Variants in SLC52A3 observed in about 807,000 individuals in gnomAD.
The protein encoded by SLC52A3 is solute carrier family 52 member 3.
A neutral mutation model predicts 29.5 loss-of-function variants in SLC52A3; 20 were observed. The observed-to-expected ratio is 0.68, with a 90% CI of 0.48 to 0.99. The LOEUF (loss-of-function observed/expected upper bound fraction) is 0.99. SLC52A3 is among the 50% of genes least tolerant of loss of function. The pLI, the probability that SLC52A3 is intolerant of heterozygous loss-of-function variation, is 0.00. For synonymous variants in SLC52A3, 301 were observed against 271.0 expected (o/e 1.11, Z -1.09); for missense variants, 548 against 612.9 (o/e 0.89, Z 1.12).
intron 3 of SLC52A3, 86 bp from the exon 4 acceptor site, chr20:761,910 T>C: frequency 2.5e-6 from 4 of 1,591,660 alleles, no homozygotes; most frequent in Non-Finnish European, 3.4e-6. Context: ...GGATGGCCAG[T>C]GTCTCCATAG....
In SLC52A3 at chr20:765,770, G is replaced by A. The variant is rs1472734097; in HGVS notation, c.5C>T (p.Ala2Val). Reference protein sequence around the residue: MAFLMHLLVCVF... With the variant: MVFLMHLLVCVF... ...GCAGACCAGCAGGTGCATCAGGAAG[G>A]CCATGGCGGTATCTGCCCTGGGCCA... Residue 2 changes from alanine to valine, a missense_variant, in exon 2 of 5, where the codon GCC (alanine) becomes GTC (valine). Around this residue, in one of 2 missense-constraint regions of SLC52A3, gnomAD observed 375 missense variants for 471.1 expected, o/e 0.80. Transcript: ENST00000645534. This position sits in a 1 kb window ranked among gnomAD's most constrained non-coding sequence, Gnocchi z 6.6. The A allele has an allele frequency of 1.6e-5, 26 of 1,598,772 alleles. No individual in the cohort carries two copies. The highest frequency in any genetic ancestry group is 2.2e-5 in the Non-Finnish European group (26 of 1,174,274).
At chr20:779,704 T>G (rs1987159860), upstream of SLC52A3, among the ~76,000 whole-genome samples, 1 of 152,234 alleles carries the variant, frequency 6.6e-6, no homozygotes, top group African/African-American at 2.4e-5. Context: ...CTTGCCTGCT[T>G]TGTAGCTGGG....
Position 766,592 on chromosome 20 carries a change from A to T in SLC52A3, c.-51-767T>A, listed in dbSNP as rs568516355. The stretch of plus-strand genomic sequence containing the variant: ...AAGCTCCCCTACTGAGCACCTTGTG[A>T]CCCCCACCCCTGCCCGCCAGGGAAC... On this transcript the variant is annotated intron_variant, in intron 1 of 4. Coordinates refer to ENST00000645534, the MANE Select transcript of SLC52A3 (RefSeq NM_033409.4). 3.3e-5 allele frequency among the ~76,000 whole-genome samples: 5 copies of T among 151,194 alleles called. No individual in the cohort carries two copies. The East Asian group carries it at 9.8e-4, about 30-fold the overall frequency.
At position 763,617 on chromosome 20, in the gene SLC52A3, C is replaced by T. The variant is rs147508914; in HGVS notation, c.954G>A (p.Leu318=). The T allele has an allele frequency of 9.9e-6, 16 of 1,614,094 alleles. No homozygotes were observed. The highest frequency in any genetic ancestry group is 5.5e-5 in the South Asian group (5 of 91,090). Residue 318 remains leucine, a synonymous_variant, in exon 3 of 5, where the codon CTG becomes CTA. Transcript: ENST00000645534. ...AFVNALTNGM[L]PSVQTYSCLS... Reference sequence around the variant, plus strand: ...GGCAGGAGTAGGTCTGCACAGAGGGCAGCATGCCGTTGGTGAGCGCGTTGA... The same window carrying T: ...GGCAGGAGTAGGTCTGCACAGAGGGTAGCATGCCGTTGGTGAGCGCGTTGA...
At chr20:779,548 G>A (rs1350645768), upstream of SLC52A3, among the ~76,000 whole-genome samples, 1 of 152,202 alleles carries the variant, frequency 6.6e-6, no homozygotes, top group East Asian at 1.9e-4. Context: ...TGAACCCAGA[G>A]GCAGAGGTTG....
chr20:766,033 C>T (rs1568725850), intron 1 of SLC52A3: 6 of 510,078 alleles, frequency 1.2e-5, no homozygotes, highest in East Asian at 1.0e-4. Context: ...GCCTCCTGGG[C>T]TCAAGTGATT....
At chr20:761,354 G>C in intron 4 of SLC52A3, 116 bp from the exon 5 acceptor site, 2 of 1,207,740 alleles carry the variant, frequency 1.7e-6, no homozygotes, top group Non-Finnish European at 2.3e-6. Context: ...GGTGCGAGGA[G>C]CGCCTTCTGG....
upstream of SLC52A3, among the ~76,000 whole-genome samples, chr20:770,307 C>T (rs1268650156): frequency 6.6e-6 from 1 of 152,028 alleles, no homozygotes; most frequent in Non-Finnish European, 1.5e-5. This position sits in a 1 kb window ranked among gnomAD's most constrained non-coding sequence, Gnocchi z 4.5. Context: ...CAGGCGTGCA[C>T]CACAATGTCC....
chr20:776,856 TGG>T (rs61268757), upstream of SLC52A3, among the ~76,000 whole-genome samples: 8,914 of 127,398 alleles, frequency 0.07, 650 homozygotes, highest in East Asian at 0.46. Context: ...GAATCGCTTT[TGG>T]GGGGGGGGCC....
rs397963800 is a variant in SLC52A3, at chr20:765,937, C to CTTT, written c.-51-115_-51-113dup. 3.2e-4 allele frequency: 178 copies of CTTT among 559,140 alleles called. 1 individual carries two copies. The Middle Eastern group carries it at 3.5e-3, about 11-fold the overall frequency. 34.6% of individuals were successfully genotyped at this position (559,140 alleles called of 1,614,324 possible). On this transcript the variant is annotated intron_variant, in intron 1 of 4. Transcript: ENST00000645534. This position sits in a 1 kb window ranked among gnomAD's most constrained non-coding sequence, Gnocchi z 6.6. The stretch of plus-strand genomic sequence containing the variant: ...ACTCCCCTTCCTGTGAACAAGCTGG[C>CTTT]TTTTTTTTTTTTCCTTTGAGACATA...
At chr20:772,875 A>G (rs1986888823), upstream of SLC52A3, among the ~76,000 whole-genome samples, 1 of 152,182 alleles carries the variant, frequency 6.6e-6, no homozygotes, top group Non-Finnish European at 1.5e-5. Context: ...TGTCTGCAGA[A>G]AGCACGGTCC....
chr20:764,430 C>A (rs145473559), intron 2 of SLC52A3, among the ~76,000 whole-genome samples: 1 of 152,350 alleles, frequency 6.6e-6, no homozygotes, highest in South Asian at 2.1e-4. Context: ...GCAGTGGAGC[C>A]GCCCACCTAA....
chr20:760,588 C>T lies in SLC52A3; in HGVS notation c.*438G>A, dbSNP rs1384878088. The T allele has an allele frequency of 1.1e-5, 2 of 183,108 alleles. No homozygotes were observed. Among genetic ancestry groups the T allele is most frequent in the Middle Eastern group, 2.5e-3 (1 of 400 alleles). The allele number at this position is 183,108 out of a possible 1,614,324, so 11.3% of individuals were successfully genotyped here. On this transcript the variant is annotated 3_prime_UTR_variant, in exon 5 of 5. Transcript: ENST00000645534. This position sits in a 1 kb window ranked among gnomAD's most constrained non-coding sequence, Gnocchi z 4.9. ...CTTGCTTGATGCGGGCTGCTTTTTC[C>T]TTTTGCCTCCGTGCCATGCCTGTGA...
Position 765,807 on chromosome 20 carries a change from A to C in SLC52A3, c.-33T>G. 11 of 1,600,926 alleles carry C rather than the reference A, an allele frequency of 6.9e-6. No individual in the cohort carries two copies. Among genetic ancestry groups the C allele is most frequent in the African/African-American group, 1.3e-5 (1 of 74,906 alleles). On this transcript the variant is annotated 5_prime_UTR_variant, in exon 2 of 5. Coordinates refer to ENST00000645534, the MANE Select transcript of SLC52A3 (RefSeq NM_033409.4). This position sits in a 1 kb window ranked among gnomAD's most constrained non-coding sequence, Gnocchi z 6.6. ...TCTGCCCTGGGCCAGAGGCTTTCTC[A>C]GATCAGCCTGCAGCGGGGCTGGCAG...
intron 4 of SLC52A3, 136 bp downstream of exon 4, chr20:761,565 G>T: frequency 1.5e-6 from 2 of 1,334,350 alleles, no homozygotes; most frequent in Non-Finnish European, 2.1e-6. Context: ...AGGAAGGGGC[G>T]CTTCCCCCAC....
rs140574836 is a variant in SLC52A3 at position 774,106 on chromosome 20, T to C, written c.-238+1849A>G. 2.8e-3 allele frequency among the ~76,000 whole-genome samples: 426 copies of C among 152,374 alleles called. 1 individual carries two copies. Among genetic ancestry groups the C allele is most frequent in the Non-Finnish European group, 5.0e-3 (339 of 68,030 alleles). On this transcript the variant is annotated intron_variant, in intron 1 of 5. Coordinates refer to the SLC52A3 transcript ENST00000217254. ...CTCCCCCAGTGCCCAGGTGACCATC[T>C]GGCTTGCCACGGGCTGGGCCACCTG...
chr20:777,184 C>T (rs150767603), upstream of SLC52A3, among the ~76,000 whole-genome samples: 1 of 151,728 alleles, frequency 6.6e-6, no homozygotes, highest in Admixed American at 6.6e-5. Context: ...TGCAGTGAGC[C>T]GAGATCGCGC....
upstream of SLC52A3, among the ~76,000 whole-genome samples, chr20:777,007 G>A (rs566074235): frequency 1.2e-4 from 19 of 152,100 alleles, no homozygotes; most frequent in South Asian, 3.5e-3. Context: ...AGGCCGAGGC[G>A]GGTGGATTAC....
At position 763,932 on chromosome 20, in the gene SLC52A3, G is replaced by A. The variant is rs778363575; in HGVS notation, c.639C>T (p.Tyr213=). 27 of 1,613,600 alleles carry A rather than the reference G, an allele frequency of 1.7e-5. No homozygotes were observed. The African/African-American group carries it at 2.9e-4, about 18-fold the overall frequency. The change falls in exon 3 of 5, where the codon TAC becomes TAT. Residue 213 remains tyrosine (Y), a synonymous_variant. Transcript: ENST00000645534. ...EAPLSHLESR[Y]LPAHFSPLVF... ...CCAGGGGTGAGAAGTGGGCGGGAAGGTAGCGGCTCTCCAGGTGGGACAAGG... is the reference window on the plus strand; with the variant it reads ...CCAGGGGTGAGAAGTGGGCGGGAAGATAGCGGCTCTCCAGGTGGGACAAGG...
Sources: allele counts gnomAD v4.1 joint callset (sites outside exome capture counted in the v4.1 genomes callset), GRCh38; gene constraint gnomAD v4.1.1; regional missense constraint gnomAD v4.1.1; non-coding constraint Gnocchi (gnomAD v3.1); transcripts MANE v1.5; gene names NCBI Gene and HGNC (gene_info 2026-07-23, HGNC 2026-07-21).